The following MBLAC2 variants were observed in gnomAD, a reference collection of about 807,000 sequenced individuals.
The protein encoded by MBLAC2 is metallo-beta-lactamase domain containing 2.
In MBLAC2, 24 loss-of-function variants were observed where a neutral mutation model predicts 23.3. The observed-to-expected ratio is 1.03, with a 90% CI of 0.75 to 1.45. MBLAC2 has a LOEUF of 1.45. Ranked by LOEUF, MBLAC2 falls within the 40% of genes most tolerant of loss-of-function variation. MBLAC2 has a pLI of 0.00. For missense variants in MBLAC2, 358 were observed against 370.0 expected, an observed-to-expected ratio of 0.97 and a Z score of 0.27; for synonymous variants, 162 against 150.9, an observed-to-expected ratio of 1.07 and a Z score of -0.54.
chr5:90,461,648 G>A, intron 1 of MBLAC2, 96 bp from the exon 2 acceptor site: 2 of 1,138,438 alleles, frequency 1.8e-6, no homozygotes, highest in Non-Finnish European at 2.5e-6. Flanking sequence ...AAGAAATTGG[G>A]AAGGATGACA....
intron 1 of MBLAC2, among the ~76,000 whole-genome samples, chr5:90,468,650 A>G (rs1283765110): frequency 6.6e-6 from 1 of 152,118 alleles, no homozygotes; most frequent in African/African-American, 2.4e-5. Flanking sequence ...CACATGGAAC[A>G]TTCTCCAAGA....
Position 90,461,094 on chromosome 5 carries a change from A to C in MBLAC2, c.*73T>G, listed in dbSNP as rs577939496. 1.6e-6 allele frequency: 2 copies of C among 1,220,124 alleles called. No homozygotes were observed. The highest frequency in any genetic ancestry group is 3.6e-5 in the South Asian group (2 of 55,196). The allele number at this position is 1,220,124 out of a possible 1,614,324, so 75.6% of individuals were successfully genotyped here. On this transcript the variant is annotated 3_prime_UTR_variant, in exon 2 of 2. Transcript: ENST00000316610. Reference sequence around the variant, plus strand: ...TATAAAAGCACTTCATGAAATGCTCACTATTAATCAGTTAAATAGCACAGA... The same window carrying C: ...TATAAAAGCACTTCATGAAATGCTCCCTATTAATCAGTTAAATAGCACAGA...
intron 1 of MBLAC2, among the ~76,000 whole-genome samples, chr5:90,471,576 A>G (rs1259758265): frequency 6.6e-6 from 1 of 152,166 alleles, no homozygotes; most frequent in African/African-American, 2.4e-5. Context: ...GGTTAGAGAT[A>G]CAGTGCACAG....
chr5:90,474,462 A>G lies in MBLAC2; in HGVS notation c.-170T>C. On this transcript the variant is annotated 5_prime_UTR_variant, in exon 1 of 2. Transcript: ENST00000316610. ...GGGGGTCGGAATAGGAGGAGGAAGG[A>G]CGCAGACCGACGCTGCCCGTAGCGT... The G allele has an allele frequency of 1.6e-6, 1 of 624,986 alleles. No individual in the cohort carries two copies. The highest frequency in any genetic ancestry group is 2.8e-5 in the East Asian group (1 of 35,644). The allele number at this position is 624,986 out of a possible 1,614,324, so 38.7% of individuals were successfully genotyped here. A position where few individuals can be genotyped will look rare whatever the true frequency, so the allele number is the denominator to read the frequency against.
At position 90,461,228 on chromosome 5, in the gene MBLAC2, A is replaced by G. The variant is rs549411394; in HGVS notation, c.779T>C (p.Phe260Ser). The part of the protein sequence containing the change: ...KAGICHKVST[F>S]AMRSLASLAL... Reference sequence around the variant, plus strand: ...TAAACTTGCAAGAGATCGCATGGCAAAAGTAGAAACTTTGTGACATATCCC... The same window carrying G: ...TAAACTTGCAAGAGATCGCATGGCAGAAGTAGAAACTTTGTGACATATCCC... Residue 260 changes from phenylalanine (F) to serine (S), a missense_variant, in exon 2 of 2, where the codon TTT becomes TCT. Physicochemically the swap from Phe to Ser is radical, Grantham distance 155. Coordinates refer to ENST00000316610, the MANE Select transcript of MBLAC2 (RefSeq NM_203406.2). 2.5e-6 allele frequency: 4 copies of G among 1,613,838 alleles called. No homozygotes were observed. The highest frequency in any genetic ancestry group is 2.2e-5 in the South Asian group (2 of 91,004).
At chr5:90,465,750 A>G (rs1750436451) in intron 1 of MBLAC2, among the ~76,000 whole-genome samples, 1 of 152,112 alleles carries the variant, frequency 6.6e-6, no homozygotes, top group South Asian at 2.1e-4. Context: ...AACTTTTTCT[A>G]GAGACAGGAT....
In MBLAC2 at chr5:90,474,095, T is replaced by C. The variant is rs756087209; in HGVS notation, c.198A>G (p.Arg66=). ...YLYSSGLLQD[R]EAKEDAARRP... is the part of the protein sequence containing the mutation. The stretch of plus-strand genomic sequence containing the variant: ...GGCGCGCCGCGTCCTCTTTGGCCTC[T>C]CGGTCCTGCAAGAGGCCGGAGGAGT... The change falls in exon 1 of 2, where the codon CGA becomes CGG. Residue 66 remains arginine, a synonymous_variant. Coordinates refer to ENST00000316610, the MANE Select transcript of MBLAC2 (RefSeq NM_203406.2). 19 of 1,575,338 alleles carry C rather than the reference T, an allele frequency of 1.2e-5. No individual in the cohort carries two copies. The highest frequency in any genetic ancestry group is 9.2e-5 in the South Asian group (8 of 86,584).
chr5:90,474,581 C>T lies in MBLAC2; in HGVS notation c.-289G>A, dbSNP rs1750683537. The T allele has an allele frequency of 2.2e-6, 1 of 458,326 alleles. No homozygotes were observed. The allele number at this position is 458,326 out of a possible 1,614,324, so 28.4% of individuals were successfully genotyped here. On this transcript the variant is annotated 5_prime_UTR_variant, in exon 1 of 2. Coordinates refer to ENST00000316610, the MANE Select transcript of MBLAC2 (RefSeq NM_203406.2). ...GCTACCGCAGCCTCGGCAGCCGCACCACGAGAGAGCTTTAACGCAGGGGCC... is the reference window on the plus strand; with the variant it reads ...GCTACCGCAGCCTCGGCAGCCGCACTACGAGAGAGCTTTAACGCAGGGGCC...
chr5:90,459,147 T>C lies in MBLAC2; in HGVS notation c.*2020A>G, dbSNP rs1483883533. 6.6e-6 allele frequency: 1 copy of C among 152,556 alleles called. No individual in the cohort carries two copies. Among genetic ancestry groups the C allele is most frequent in the African/African-American group, 2.4e-5 (1 of 41,442 alleles). 9.5% of individuals were successfully genotyped at this position (152,556 alleles called of 1,614,324 possible). On this transcript the variant is annotated 3_prime_UTR_variant, in exon 2 of 2. Coordinates refer to ENST00000316610, the MANE Select transcript of MBLAC2 (RefSeq NM_203406.2). ...TTATTTAAGGCTTAGTAAGTGATTA[T>C]TTGTAGTTGCCCTGAACCAAATCAT...
intron 1 of MBLAC2, chr5:90,473,393 G>C: frequency 2.4e-6 from 1 of 421,704 alleles, no homozygotes; most frequent in Non-Finnish European, 4.2e-6. Flanking sequence ...AGCTGATGAA[G>C]TCTGCAATTC....
At chr5:90,466,717 G>A (rs537501304) in intron 1 of MBLAC2, among the ~76,000 whole-genome samples, 8 of 152,102 alleles carry the variant, frequency 5.3e-5, no homozygotes, top group African/African-American at 1.9e-4. Context: ...TATCTGATTA[G>A]CAAATAAGTA....
At chr5:90,470,701 AAC>A (rs1750529177) in intron 1 of MBLAC2, among the ~76,000 whole-genome samples, 1 of 150,358 alleles carries the variant, frequency 6.7e-6, no homozygotes, top group Admixed American at 6.7e-5. Context: ...AAACTAGTAG[AAC>A]ACACACACAC....
rs768033863 is a variant in MBLAC2, at chr5:90,474,245, G to A, written c.48C>T (p.Ile16=). The A allele has an allele frequency of 9.9e-6, 16 of 1,613,552 alleles. No individual in the cohort carries two copies. The highest frequency in any genetic ancestry group is 1.6e-4 in the Middle Eastern group (1 of 6,084). ...CGTAGAAACGTTCTTGAATCCAGAAGATACCATCGCCTAGAGACTTGTGGG... is the reference window on the plus strand; with the variant it reads ...CGTAGAAACGTTCTTGAATCCAGAAAATACCATCGCCTAGAGACTTGTGGG... ...WYAHKSLGDG[I]FWIQERFYES... is the part of the protein sequence containing the mutation. The change falls in exon 1 of 2, where the codon ATC becomes ATT. Residue 16 remains isoleucine (I), a synonymous_variant. Transcript: ENST00000316610.
Position 90,474,457 on chromosome 5 carries a change from G to A in MBLAC2, c.-165C>T. On this transcript the variant is annotated 5_prime_UTR_variant, in exon 1 of 2. Transcript: ENST00000316610. ...GATGCGGGGGTCGGAATAGGAGGAG[G>A]AAGGACGCAGACCGACGCTGCCCGT... The A allele has an allele frequency of 1.5e-6, 1 of 647,568 alleles. No homozygotes were observed. Among genetic ancestry groups the A allele is most frequent in the South Asian group, 1.9e-5 (1 of 53,276 alleles). 40.1% of individuals were successfully genotyped at this position (647,568 alleles called of 1,614,324 possible). A position where few individuals can be genotyped will look rare whatever the true frequency, so the allele number is the denominator to read the frequency against.
rs1249672953 is a variant in MBLAC2, at chr5:90,459,111, AAAT to A, written c.*2053_*2055del. The A allele has an allele frequency of 3.3e-5, 5 of 152,546 alleles. No homozygotes were observed. The East Asian group carries it at 9.6e-4, about 29-fold the overall frequency. The allele number at this position is 152,546 out of a possible 1,614,324, so 9.4% of individuals were successfully genotyped here. A position where few individuals can be genotyped will look rare whatever the true frequency, so the allele number is the denominator to read the frequency against. On this transcript the variant is annotated 3_prime_UTR_variant, in exon 2 of 2. Transcript: ENST00000316610. ...GTTTTCCTTTGTGCTATTGATATAA[AAAT>A]AATGGCTTTATTTAAGGCTTAGTAA...
rs373346589 is a variant in MBLAC2 at position 90,474,259 on chromosome 5, G to C, written c.34C>G (p.Leu12Val). 5 of 1,613,520 alleles carry C rather than the reference G, an allele frequency of 3.1e-6. No individual in the cohort carries two copies. The highest frequency in any genetic ancestry group is 4.2e-6 in the Non-Finnish European group (5 of 1,179,860). Reference protein sequence around the residue: ...SALEWYAHKSLGDGIFWIQER... With the variant: ...SALEWYAHKSVGDGIFWIQER... ...TGAATCCAGAAGATACCATCGCCTA[G>C]AGACTTGTGGGCGTACCACTCGAGC... Residue 12 changes from leucine to valine, a missense_variant, in exon 1 of 2, where the codon CTA (leucine) becomes GTA (valine). By Grantham distance (32) the Leu-to-Val change is conservative. Transcript: ENST00000316610.
rs996146722 is a variant in MBLAC2, at chr5:90,463,972, A to G, written c.455-2420T>C. On this transcript the variant is annotated intron_variant, in intron 1 of 1. Coordinates refer to ENST00000316610, the MANE Select transcript of MBLAC2 (RefSeq NM_203406.2). ...TATTATGAACAATTTTAAGCCAACA[A>G]ATTTGACAACTTATTTGAAATGAAC... Among the ~76,000 whole-genome samples, 3 of 152,200 alleles carry G rather than the reference A, an allele frequency of 2.0e-5. No homozygotes were observed. The South Asian group carries it at 6.2e-4, about 32-fold the overall frequency.
rs758024413 is a variant in MBLAC2, at chr5:90,473,989, G to C, written c.304C>G (p.His102Asp). 12 of 1,599,042 alleles carry C rather than the reference G, an allele frequency of 7.5e-6. No homozygotes were observed. Among genetic ancestry groups the C allele is most frequent in the Non-Finnish European group, 9.4e-6 (11 of 1,173,872 alleles). The change falls in exon 1 of 2, where the codon CAC becomes GAC. Residue 102 changes from histidine (H) to aspartate (D), a missense_variant. His to Asp is a moderately conservative substitution (Grantham distance 81). Transcript: ENST00000316610. ...CGAGCCAGCGCCTCGGCCTCGGCGTGGTGCACTGCCACGCGGTCGAACTGG... is the reference window on the plus strand; with the variant it reads ...CGAGCCAGCGCCTCGGCCTCGGCGTCGTGCACTGCCACGCGGTCGAACTGG... ...LYQFDRVAVH[H>D]AEAEALARGD...
intron 1 of MBLAC2, among the ~76,000 whole-genome samples, chr5:90,464,675 TTATAAA>T (rs1450694892): frequency 1.3e-5 from 2 of 152,132 alleles, no homozygotes; most frequent in African/African-American, 4.8e-5. Flanking sequence ...ATCCAGCAAC[TTATAAA>T]TAGGAAAATG....
Sources: gnomAD v4.1 joint callset for allele counts (sites outside exome capture counted in the v4.1 genomes callset) on GRCh38, gnomAD v4.1.1 for gene constraint, MANE v1.5 for transcripts, NCBI Gene and HGNC (gene_info 2026-07-23, HGNC 2026-07-21) for gene names.